APPL2: variants seen among roughly 807,000 people sequenced by gnomAD.
APPL2 encodes the protein adaptor protein, phosphotyrosine interacting with PH domain and leucine zipper 2, also known as DCC-interacting protein 13-beta.
In APPL2, 84 loss-of-function variants were observed where a neutral mutation model predicts 92.7. The ratio of observed to expected loss-of-function variants is 0.91; its 90% CI spans 0.76 to 1.09. APPL2 has a LOEUF of 1.09. Among genes scored for constraint, APPL2 ranks in the 50% least tolerant of loss-of-function variants. APPL2 has a pLI of 0.00. For missense variants in APPL2, 736 were observed against 824.5 expected (o/e 0.89, Z 1.31); for synonymous variants, 291 against 291.0 (o/e 1.00, Z 0.00).
chr12:105,199,272 C>T, intron 10 of APPL2, 101 bp downstream of exon 10: 2 of 1,404,112 alleles, frequency 1.4e-6, no homozygotes, highest in African/African-American at 1.4e-5. Flanking sequence ...GTCTCACCCA[C>T]CCACCTCCCT....
chr12:105,188,128 G>GC, intron 17 of APPL2, 145 bp downstream of exon 17: 1 of 870,046 alleles, frequency 1.1e-6, no homozygotes, highest in Non-Finnish European at 1.7e-6. Flanking sequence ...CACTTTCTAG[G>GC]CTATCTATCT....
rs1258793217 is a variant in APPL2, at chr12:105,210,239, C to T, written c.373+991G>A. On this transcript the variant is annotated intron_variant, in intron 5 of 20. Transcript: ENST00000258530. ...CCTCCCAAAGTGCTGGGATTACAGG[C>T]GTGAGCCACTGTGCCCGGCCAATCT... is the stretch of plus-strand genomic sequence containing the variant. 5.3e-5 allele frequency among the ~76,000 whole-genome samples: 8 copies of T among 152,178 alleles called. 1 individual carries two copies. The East Asian group carries it at 7.7e-4, about 15-fold the overall frequency.
chr12:105,215,555 G>C (rs540249646), intron 4 of APPL2, among the ~76,000 whole-genome samples: 1 of 152,282 alleles, frequency 6.6e-6, no homozygotes, highest in African/African-American at 2.4e-5. Flanking sequence ...AATAAATAAT[G>C]GCTTGTTGAA....
At chr12:105,175,611 A>G (rs528727177) in intron 20 of APPL2, among the ~76,000 whole-genome samples, 144 of 152,370 alleles carry the variant, frequency 9.5e-4, no homozygotes, top group Non-Finnish European at 1.2e-3. Flanking sequence ...CTGAATGAAC[A>G]AAAGATTAAA....
At chr12:105,176,449 A>G (rs987780048) in intron 19 of APPL2, 9 of 451,682 alleles carry the variant, frequency 2.0e-5, no homozygotes, top group East Asian at 3.5e-5. Context: ...GATAAATTCT[A>G]AGTAGCAGAT....
intron 10 of APPL2, among the ~76,000 whole-genome samples, chr12:105,198,861 C>T (rs1025088441): frequency 2.6e-5 from 4 of 152,258 alleles, no homozygotes; most frequent in African/African-American, 9.6e-5. Flanking sequence ...TGACAATATC[C>T]TCTCTGCTCA....
In APPL2 at chr12:105,197,865, C is replaced by T. The variant is rs747083649; in HGVS notation, c.952G>A (p.Ala318Thr). 1 of 1,614,196 alleles carries T rather than the reference C, an allele frequency of 6.2e-7. No individual in the cohort carries two copies. The highest frequency in any genetic ancestry group is 1.1e-5 in the South Asian group (1 of 91,086). Residue 318 changes from alanine (A) to threonine (T), a missense_variant, in exon 11 of 21, where the codon GCT becomes ACT. Coordinates refer to ENST00000258530, the MANE Select transcript of APPL2 (RefSeq NM_018171.5). ...NLMCQPRGAV[A>T]GGLIQDLDNC... Reference sequence around the variant, plus strand: ...TCCAGGTCCTGGATCAAACCTCCAGCCACGGCTCCCCTGGGCTGACACATG... The same window carrying T: ...TCCAGGTCCTGGATCAAACCTCCAGTCACGGCTCCCCTGGGCTGACACATG...
chr12:105,194,764 G>GA (rs1385679268), intron 14 of APPL2, among the ~76,000 whole-genome samples: 1 of 138,770 alleles, frequency 7.2e-6, no homozygotes, highest in Non-Finnish European at 1.5e-5. Flanking sequence ...GAACAATTCT[G>GA]AAAAATGTAG....
intron 1 of APPL2, 102 bp downstream of exon 1, chr12:105,235,857 C>T (rs1438619284): frequency 2.9e-6 from 3 of 1,021,930 alleles, no homozygotes; most frequent in African/African-American, 3.4e-5. Flanking sequence ...CGGGCGCACT[C>T]CCGCGGCTGC....
rs997632733 is a variant in APPL2 at position 105,192,221 on chromosome 12, A to G, written c.1242-2066T>C. 3.3e-5 allele frequency among the ~76,000 whole-genome samples: 5 copies of G among 152,228 alleles called. No homozygotes were observed. In the East Asian group the frequency reaches 9.6e-4, roughly 29 times the overall value. ...GGTTTTACCTCCAGAATAAGTCCAC[A>G]TCCATCTACTTTTCATCTCTGCCGT... On this transcript the variant is annotated intron_variant, in intron 14 of 20. Transcript: ENST00000258530.
intron 9 of APPL2, among the ~76,000 whole-genome samples, chr12:105,201,606 C>T (rs760975298): frequency 1.5e-4 from 22 of 151,512 alleles, no homozygotes; most frequent in Non-Finnish European, 2.6e-4. Flanking sequence ...GACTCAGGCT[C>T]AAACACTGGG....
chr12:105,209,889 C>T (rs1429523385), intron 5 of APPL2, among the ~76,000 whole-genome samples: 1 of 151,938 alleles, frequency 6.6e-6, no homozygotes. Flanking sequence ...AGAGTTTATG[C>T]CAGTTCTATC....
intron 19 of APPL2, 139 bp from the exon 20 acceptor site, chr12:105,176,221 C>A: frequency 2.8e-6 from 2 of 704,322 alleles, no homozygotes; most frequent in South Asian, 3.7e-5. Flanking sequence ...GCAGGAGACT[C>A]ATCACATAGG....
chr12:105,200,008 G>A (rs76313537), intron 9 of APPL2, among the ~76,000 whole-genome samples: 1 of 137,094 alleles, frequency 7.3e-6, no homozygotes, highest in Non-Finnish European at 1.6e-5. Flanking sequence ...TTTTTTTTTT[G>A]TATTTTTAGT....
At chr12:105,232,686 C>T (rs1891008877) in intron 1 of APPL2, among the ~76,000 whole-genome samples, 1 of 149,834 alleles carries the variant, frequency 6.7e-6, no homozygotes, top group Admixed American at 6.7e-5. Flanking sequence ...ATCGCTTGAG[C>T]CCAGGAGGCT....
chr12:105,235,798 GC>G (rs1419430114), intron 1 of APPL2, among the ~76,000 whole-genome samples, 160 bp downstream of exon 1: 2 of 151,840 alleles, frequency 1.3e-5, no homozygotes, highest in Non-Finnish European at 2.9e-5. Flanking sequence ...GGCCCGGCCC[GC>G]CCCCTCCTCA....
At chr12:105,181,826 T>C (rs929588328) in intron 17 of APPL2, among the ~76,000 whole-genome samples, 9 of 152,202 alleles carry the variant, frequency 5.9e-5, no homozygotes, top group African/African-American at 1.7e-4. Flanking sequence ...TATCATTTTT[T>C]ATTGTGTCTG....
At chr12:105,198,091 A>G (rs1887824798) in intron 10 of APPL2, 138 bp from the exon 11 acceptor site, 12 of 792,562 alleles carry the variant, frequency 1.5e-5, no homozygotes, top group Non-Finnish European at 2.4e-5. Flanking sequence ...AAAACTGCCC[A>G]TTCAAGTGGA....
chr12:105,212,700 T>C (rs1411593147), intron 4 of APPL2, among the ~76,000 whole-genome samples: 1 of 152,252 alleles, frequency 6.6e-6, no homozygotes, highest in African/African-American at 2.4e-5. Flanking sequence ...CACCCAGCAA[T>C]CACTTTTGGA....
Sources: allele counts gnomAD v4.1 joint callset (sites outside exome capture counted in the v4.1 genomes callset), GRCh38; gene constraint gnomAD v4.1.1; transcripts MANE v1.5; gene names NCBI Gene and HGNC (gene_info 2026-07-23, HGNC 2026-07-21).